LRIG3: variants seen among roughly 807,000 people sequenced by gnomAD.
LRIG3 encodes the protein leucine rich repeats and immunoglobulin like domains 3, also known as leucine-rich repeats and immunoglobulin-like domains protein 3.
A neutral mutation model predicts 114.5 loss-of-function variants in LRIG3; 76 were observed. That is an observed-to-expected ratio of 0.66 (90% confidence interval 0.55 to 0.80). The LOEUF is 0.80. LRIG3 is among the 30% of genes least tolerant of loss of function. LRIG3 has a pLI of 0.00. For synonymous variants in LRIG3, 512 were observed against 519.8 expected (o/e 0.98, Z 0.20); for missense variants, 1,239 against 1,382.8 (o/e 0.90, Z 1.65).
chr12:58,910,079 A>G (rs962363861), intron 3 of LRIG3, among the ~76,000 whole-genome samples: 1 of 152,218 alleles, frequency 6.6e-6, no homozygotes, highest in Non-Finnish European at 1.5e-5. Context: ...AATGATGACA[A>G]TGTCACCTCT....
chr12:58,902,867 A>G (rs1028332436), intron 3 of LRIG3, among the ~76,000 whole-genome samples: 2 of 151,890 alleles, frequency 1.3e-5, no homozygotes. Flanking sequence ...ATGATTTCCA[A>G]TTTCATCCAT....
At chr12:58,879,144 A>C (rs1471271061) in intron 13 of LRIG3, 39 bp from the exon 14 acceptor site, 1 of 1,561,660 alleles carries the variant, frequency 6.4e-7, no homozygotes, top group Non-Finnish European at 8.7e-7. Context: ...AGCACAGTGG[A>C]GTCTTACAGG....
At chr12:58,901,681 T>A (rs1018686733) in intron 3 of LRIG3, among the ~76,000 whole-genome samples, 1 of 152,226 alleles carries the variant, frequency 6.6e-6, no homozygotes, top group Non-Finnish European at 1.5e-5. Flanking sequence ...AAGGGAATGC[T>A]TTAAGAAAAT....
chr12:58,879,787 A>ACC (rs1324681308), intron 13 of LRIG3, among the ~76,000 whole-genome samples: 70 of 152,298 alleles, frequency 4.6e-4, no homozygotes, highest in African/African-American at 1.6e-3. Context: ...TACACATATT[A>ACC]TTTCACTAAA....
chr12:58,897,410 G>A lies in LRIG3; in HGVS notation c.384-6614C>T, dbSNP rs184916043. On this transcript the variant is annotated intron_variant, in intron 3 of 18. Transcript: ENST00000320743. ...ATATAGAGGTCCTGCAATAATCAGTGTCTTATTCATGCACCAGTCATAACA... is the reference window on the plus strand; with the variant it reads ...ATATAGAGGTCCTGCAATAATCAGTATCTTATTCATGCACCAGTCATAACA... Among the ~76,000 whole-genome samples, 12 of 152,020 alleles carry A rather than the reference G, an allele frequency of 7.9e-5. No homozygotes were observed. In the East Asian group the frequency reaches 2.3e-3, roughly 29 times the overall value.
At chr12:58,900,237 A>G (rs1449984702) in intron 3 of LRIG3, among the ~76,000 whole-genome samples, 2 of 150,708 alleles carry the variant, frequency 1.3e-5, no homozygotes, top group Non-Finnish European at 2.9e-5. Context: ...CTGCACTCCC[A>G]TCTTTATAGG....
Position 58,914,067 on chromosome 12 carries a change from C to G in LRIG3, c.309-11G>C. On this transcript the variant is annotated splice_polypyrimidine_tract_variant and intron_variant, in intron 2 of 18. Coordinates refer to ENST00000320743, the MANE Select transcript of LRIG3 (RefSeq NM_153377.5). ...TTGTTGTTCAGTTTCCTACAAATGC[C>G]AAAAAAAAAAAGAAAAAGAAAAGCT... The G allele has an allele frequency of 8.1e-7, 1 of 1,230,864 alleles. No homozygotes were observed. Among genetic ancestry groups the G allele is most frequent in the South Asian group, 1.5e-5 (1 of 68,740 alleles). 76.2% of individuals were successfully genotyped at this position (1,230,864 alleles called of 1,614,324 possible).
At chr12:58,892,197 GTTTGGTCT>G (rs1473852994) in intron 3 of LRIG3, among the ~76,000 whole-genome samples, 2 of 152,184 alleles carry the variant, frequency 1.3e-5, no homozygotes, top group Non-Finnish European at 2.9e-5. Context: ...AGATCAGGCA[GTTTGGTCT>G]TTTTTAGACC....
chr12:58,892,140 G>A, intron 3 of LRIG3, among the ~76,000 whole-genome samples: 1 of 152,044 alleles, frequency 6.6e-6, no homozygotes. Flanking sequence ...AATTTTGTTA[G>A]AAAATGGCAA....
In LRIG3 at chr12:58,912,677, T is replaced by C. The variant is rs573668855; in HGVS notation, c.383+1305A>G. On this transcript the variant is annotated intron_variant, in intron 3 of 18. Coordinates refer to ENST00000320743, the MANE Select transcript of LRIG3 (RefSeq NM_153377.5). Reference sequence around the variant, plus strand: ...GTATGCCATGACCCTCAAGCTCTCTTAAACATACTGACAGAATCTGCCAAT... The same window carrying C: ...GTATGCCATGACCCTCAAGCTCTCTCAAACATACTGACAGAATCTGCCAAT... Among the ~76,000 whole-genome samples, 12 of 152,268 alleles carry C rather than the reference T, an allele frequency of 7.9e-5. No homozygotes were observed. The East Asian group carries it at 2.3e-3, about 29-fold the overall frequency.
At chr12:58,876,628 T>C in intron 15 of LRIG3, 25 bp from the exon 16 acceptor site, 1 of 1,613,472 alleles carries the variant, frequency 6.2e-7, no homozygotes, top group East Asian at 2.2e-5. Context: ...CAGCATTTTA[T>C]TAACCAAGGA....
chr12:58,878,141 A>G (rs1870992721), intron 14 of LRIG3, among the ~76,000 whole-genome samples: 1 of 152,118 alleles, frequency 6.6e-6, no homozygotes, highest in Non-Finnish European at 1.5e-5. Flanking sequence ...AGTGGGAAAC[A>G]AAAGCTTTTT....
intron 14 of LRIG3, among the ~76,000 whole-genome samples, chr12:58,878,177 T>C (rs1870994136): frequency 6.6e-6 from 1 of 152,100 alleles, no homozygotes; most frequent in African/African-American, 2.4e-5. Context: ...AAAAATAATT[T>C]CAAGCACAAG....
intron 4 of LRIG3, among the ~76,000 whole-genome samples, 161 bp from the exon 5 acceptor site, chr12:58,890,300 A>G (rs924438130): frequency 1.3e-5 from 2 of 152,244 alleles, no homozygotes; most frequent in African/African-American, 4.8e-5. Context: ...AGATTCACAC[A>G]TATTGCTGGG....
intron 3 of LRIG3, among the ~76,000 whole-genome samples, chr12:58,905,782 C>CAT (rs1390762757): frequency 6.6e-6 from 1 of 152,184 alleles, no homozygotes; most frequent in Non-Finnish European, 1.5e-5. Flanking sequence ...ATGCCCTACA[C>CAT]CGGCTTAGGG....
At chr12:58,909,195 A>C (rs1391859994) in intron 3 of LRIG3, among the ~76,000 whole-genome samples, 1 of 152,056 alleles carries the variant, frequency 6.6e-6, no homozygotes, top group Non-Finnish European at 1.5e-5. Context: ...TTCTGATCAC[A>C]TCTCTTATTT....
intron 3 of LRIG3, among the ~76,000 whole-genome samples, chr12:58,905,472 G>A (rs1216133426): frequency 6.6e-6 from 1 of 152,178 alleles, no homozygotes; most frequent in Non-Finnish European, 1.5e-5. Context: ...AGCTGCATAA[G>A]TTTATTTCCA....
intron 3 of LRIG3, among the ~76,000 whole-genome samples, chr12:58,906,922 C>CT (rs1201766854): frequency 6.6e-6 from 1 of 151,170 alleles, no homozygotes; most frequent in Admixed American, 6.6e-5. Context: ...AGATTCTTTG[C>CT]TTAACTGTAG....
rs776578571 is a variant in LRIG3 at position 58,890,804 on chromosome 12, T to G, written c.384-8A>C. ...ACAATCCTGTTTCCAGCCCTAGAAT[T>G]AAAAGAAACCACAGTTAACAAGGTT... is the stretch of plus-strand genomic sequence containing the variant. On this transcript the variant is annotated splice_polypyrimidine_tract_variant and splice_region_variant and intron_variant, in intron 3 of 18. Transcript: ENST00000320743. 20 of 1,598,036 alleles carry G rather than the reference T, an allele frequency of 1.3e-5. No individual in the cohort carries two copies. In the Middle Eastern group the frequency reaches 5.0e-4, roughly 40 times the overall value.
Sources: allele counts gnomAD v4.1 joint callset (sites outside exome capture counted in the v4.1 genomes callset), GRCh38; gene constraint gnomAD v4.1.1; transcripts MANE v1.5; gene names NCBI Gene and HGNC (gene_info 2026-07-23, HGNC 2026-07-21).